CMC1: variants seen among roughly 807,000 people sequenced by gnomAD.
CMC1 encodes C-X9-C motif containing 1.
In CMC1, 14 loss-of-function variants were observed where a neutral mutation model predicts 14.1. That is an observed-to-expected ratio of 0.99 (90% CI 0.66 to 1.55). The LOEUF (loss-of-function observed/expected upper bound fraction) is 1.55. Among genes scored for constraint, CMC1 ranks in the 40% most tolerant of loss-of-function variants. CMC1 has a pLI of 0.00. For missense variants in CMC1, 127 were observed against 123.8 expected (o/e 1.03, Z -0.12); for synonymous variants, 50 against 38.4 (o/e 1.30, Z -1.12).
chr3:28,304,877 A>T (rs1163936322), intron 2 of CMC1, among the ~76,000 whole-genome samples: 2 of 152,156 alleles, frequency 1.3e-5, no homozygotes, highest in African/African-American at 4.8e-5. Context: ...TCTATTTTAA[A>T]GATTCTGACT....
At chr3:28,294,065 A>C (rs1256803216) in intron 2 of CMC1, among the ~76,000 whole-genome samples, 3 of 152,196 alleles carry the variant, frequency 2.0e-5, no homozygotes, top group African/African-American at 7.2e-5. Flanking sequence ...GTAAATATGA[A>C]GGCAGTGATT....
intron 1 of CMC1, among the ~76,000 whole-genome samples, chr3:28,249,786 TG>T (rs199571234): frequency 0.011 from 1,708 of 151,306 alleles, 19 homozygotes; most frequent in Middle Eastern, 0.021. Context: ...CAACATAGAC[TG>T]GGTGGCTTAA....
intron 1 of CMC1, chr3:28,253,752 G>A (rs1699256570): frequency 7.8e-7 from 1 of 1,285,612 alleles, no homozygotes; most frequent in Admixed American, 2.3e-5. Context: ...GCACCAAACT[G>A]TCTTCAGGAG....
chr3:28,307,561 G>A (rs1702391685), intron 2 of CMC1, among the ~76,000 whole-genome samples: 1 of 152,094 alleles, frequency 6.6e-6, no homozygotes, highest in Non-Finnish European at 1.5e-5. Flanking sequence ...AATTCATCTG[G>A]GATACTGTCA....
chr3:28,298,197 T>C (rs1432170043), intron 2 of CMC1: 1 of 151,282 alleles, frequency 6.6e-6, no homozygotes, highest in African/African-American at 2.4e-5. Context: ...TTGATTTTTA[T>C]GCCCTTAATT....
intron 1 of CMC1, among the ~76,000 whole-genome samples, chr3:28,248,541 A>G (rs1698945959): frequency 6.6e-6 from 1 of 152,230 alleles, no homozygotes; most frequent in African/African-American, 2.4e-5. Flanking sequence ...AATACTTGTC[A>G]TAGGTCTCAA....
At chr3:28,242,600 AAAT>A (rs1644571387) in intron 1 of CMC1, among the ~76,000 whole-genome samples, 1 of 152,218 alleles carries the variant, frequency 6.6e-6, no homozygotes, top group South Asian at 2.1e-4. Context: ...TGTAGCACAG[AAAT>A]AATGTTTTAA....
intron 2 of CMC1, among the ~76,000 whole-genome samples, chr3:28,266,840 G>A (rs11129315): frequency 0.66 from 100,539 of 152,004 alleles, 33,294 homozygotes; most frequent in Admixed American, 0.72. Flanking sequence ...TAGTGATATT[G>A]TTGGTGGTGA....
chr3:28,305,201 G>T (rs1702245110), intron 2 of CMC1, among the ~76,000 whole-genome samples: 2 of 152,194 alleles, frequency 1.3e-5, no homozygotes, highest in South Asian at 4.1e-4. Flanking sequence ...CTATTTCTCT[G>T]TTAATCCACT....
intron 2 of CMC1, among the ~76,000 whole-genome samples, chr3:28,276,263 C>T (rs1455329133): frequency 6.6e-6 from 1 of 151,998 alleles, no homozygotes; most frequent in Non-Finnish European, 1.5e-5. Flanking sequence ...TATTTAAATG[C>T]TAAAAATTTA....
chr3:28,286,332 GTTT>G (rs1701178587), intron 2 of CMC1, among the ~76,000 whole-genome samples: 1 of 152,110 alleles, frequency 6.6e-6, no homozygotes, highest in Non-Finnish European at 1.5e-5. Flanking sequence ...AAGAAGCATT[GTTT>G]TTCCTGTAGT....
intron 2 of CMC1, among the ~76,000 whole-genome samples, chr3:28,284,785 T>C (rs1701089571): frequency 6.6e-6 from 1 of 151,986 alleles, no homozygotes; most frequent in African/African-American, 2.4e-5. Flanking sequence ...TTCCCTTACT[T>C]CCATCTTGGA....
At chr3:28,312,330 CAG>C (rs1278378115) in intron 2 of CMC1, among the ~76,000 whole-genome samples, 2 of 152,082 alleles carry the variant, frequency 1.3e-5, no homozygotes, top group African/African-American at 2.4e-5. Context: ...GAGATATGAA[CAG>C]AGTGGTTCTA....
intron 1 of CMC1, among the ~76,000 whole-genome samples, chr3:28,255,516 G>A (rs1023111860): frequency 6.6e-6 from 1 of 151,970 alleles, no homozygotes; most frequent in Non-Finnish European, 1.5e-5. Flanking sequence ...AAAGTGCTGG[G>A]ATTACAGGCA....
chr3:28,296,519 A>G (rs201486556), intron 2 of CMC1, among the ~76,000 whole-genome samples: 26 of 152,032 alleles, frequency 1.7e-4, no homozygotes, highest in Non-Finnish European at 3.2e-4. Context: ...TTTTAAAATT[A>G]AAAATATTCT....
Position 28,324,196 on chromosome 3 carries a change from T to C in CMC1, c.*4567T>C, listed in dbSNP as rs1277691847. The C allele has an allele frequency of 1.2e-6, 2 of 1,610,664 alleles. No individual in the cohort carries two copies. The highest frequency in any genetic ancestry group is 2.7e-5 in the African/African-American group (2 of 74,622). ...TACCCAGGAATTGTCTTCCAGAGAA[T>C]TTCTGCCATAAGAACTGTGTTCCTG... is the stretch of plus-strand genomic sequence containing the variant. On this transcript the variant is annotated 3_prime_UTR_variant, in exon 4 of 4. Coordinates refer to ENST00000466830, the MANE Select transcript of CMC1 (RefSeq NM_182523.2).
At chr3:28,308,621 AT>A (rs1227580621) in intron 2 of CMC1, among the ~76,000 whole-genome samples, 1 of 152,174 alleles carries the variant, frequency 6.6e-6, no homozygotes, top group African/African-American at 2.4e-5. Flanking sequence ...TTTTCTTTAG[AT>A]TTTTGGAGGC....
intron 2 of CMC1, among the ~76,000 whole-genome samples, chr3:28,282,842 G>A (rs1421237106): frequency 1.3e-5 from 2 of 152,028 alleles, no homozygotes; most frequent in Non-Finnish European, 2.9e-5. Context: ...AAACCAGAAC[G>A]AATTTAACTC....
At chr3:28,286,870 G>A (rs1185890611) in intron 2 of CMC1, among the ~76,000 whole-genome samples, 4 of 151,536 alleles carry the variant, frequency 2.6e-5, no homozygotes, top group African/African-American at 9.7e-5. Context: ...GAATGTGGGA[G>A]CCTATTTTTC....
Sources: gnomAD v4.1 joint callset for allele counts (sites outside exome capture counted in the v4.1 genomes callset) on GRCh38, gnomAD v4.1.1 for gene constraint, MANE v1.5 for transcripts, NCBI Gene and HGNC (gene_info 2026-07-23, HGNC 2026-07-21) for gene names.